Variants in LRMDA observed in about 807,000 individuals in gnomAD.
LRMDA encodes leucine-rich melanocyte differentiation-associated protein.
LRMDA carries 18 observed loss-of-function variants against 29.8 expected under a neutral mutation model. The observed-to-expected ratio is 0.60, with a 90% CI of 0.42 to 0.90. The LOEUF (loss-of-function observed/expected upper bound fraction) is 0.90. LRMDA is among the 40% of genes least tolerant of loss of function. The probability of loss-of-function intolerance (pLI) is 0.00; values close to 1 mark genes in which losing one functional copy is unlikely to be tolerated. For missense variants in LRMDA, 273 were observed against 273.9 expected, an observed-to-expected ratio of 1.00 and a Z score of 0.02; for synonymous variants, 125 against 109.4, an observed-to-expected ratio of 1.14 and a Z score of -0.89.
intron 2 of LRMDA, among the ~76,000 whole-genome samples, chr10:75,607,429 C>G (rs1457115222): frequency 2.0e-5 from 3 of 152,160 alleles, no homozygotes; most frequent in Non-Finnish European, 4.4e-5. Flanking sequence ...AGATGGGAAG[C>G]CATTTCATGT....
intron 2 of LRMDA, among the ~76,000 whole-genome samples, chr10:75,486,218 T>G (rs1159941301): frequency 6.6e-6 from 1 of 152,240 alleles, no homozygotes; most frequent in Non-Finnish European, 1.5e-5. Context: ...TTTCTACTTA[T>G]TGGAATTTAG....
chr10:76,137,987 A>G (rs918414143), intron 5 of LRMDA, among the ~76,000 whole-genome samples: 1 of 152,144 alleles, frequency 6.6e-6, no homozygotes, highest in Non-Finnish European at 1.5e-5. Context: ...TGTTTTAGGA[A>G]GATTATAATT....
chr10:75,891,527 G>C (rs1179840446), intron 2 of LRMDA, among the ~76,000 whole-genome samples: 3 of 152,194 alleles, frequency 2.0e-5, no homozygotes, highest in Non-Finnish European at 4.4e-5. Context: ...GTGGTGAGAT[G>C]GGGAAGCAAG....
chr10:76,078,087 TG>T (rs1848990088), intron 5 of LRMDA, among the ~76,000 whole-genome samples: 1 of 140,420 alleles, frequency 7.1e-6, no homozygotes, highest in Non-Finnish European at 1.5e-5. Context: ...CTCAGCTCAC[TG>T]CAAGTTCTGC....
intron 2 of LRMDA, among the ~76,000 whole-genome samples, chr10:75,447,603 A>G (rs1262991063): frequency 6.6e-6 from 1 of 152,222 alleles, no homozygotes; most frequent in Non-Finnish European, 1.5e-5. Context: ...CCCTGCCTGT[A>G]GAAGTGTCAA....
At chr10:75,655,482 C>T (rs1024686882) in intron 2 of LRMDA, among the ~76,000 whole-genome samples, 3 of 152,232 alleles carry the variant, frequency 2.0e-5, no homozygotes, top group Non-Finnish European at 2.9e-5. Context: ...AGGAGACCAT[C>T]GCATGGTCTA....
chr10:75,624,295 G>T (rs948826472), intron 2 of LRMDA, among the ~76,000 whole-genome samples: 1 of 152,132 alleles, frequency 6.6e-6, no homozygotes, highest in Admixed American at 6.5e-5. Flanking sequence ...TGAGATATAG[G>T]TTTTATGTGG....
At chr10:76,259,305 C>T (rs1415999735) in intron 5 of LRMDA, among the ~76,000 whole-genome samples, 2 of 151,936 alleles carry the variant, frequency 1.3e-5, no homozygotes, top group African/African-American at 4.8e-5. Flanking sequence ...TATTTTCATT[C>T]TTAATTTTTT....
At chr10:75,981,068 TGTTATAA>T (rs1253840398) in intron 2 of LRMDA, among the ~76,000 whole-genome samples, 6 of 152,228 alleles carry the variant, frequency 3.9e-5, no homozygotes, top group African/African-American at 1.4e-4. Flanking sequence ...CAAGTTCCAG[TGTTATAA>T]GTTATACACA....
intron 2 of LRMDA, chr10:75,450,721 G>A (rs1373276236): frequency 6.6e-6 from 1 of 152,190 alleles, no homozygotes; most frequent in African/African-American, 2.4e-5. Context: ...AGTGTGAGGG[G>A]CTGTTATTAA....
At position 75,736,739 on chromosome 10, in the gene LRMDA, A is replaced by G. The variant is rs148118381; in HGVS notation, c.131+298245A>G. Among the ~76,000 whole-genome samples the G allele has an allele frequency of 2.6e-3, 397 of 152,294 alleles. 5 individuals carry two copies. In the South Asian group the frequency reaches 0.033, roughly 13 times the overall value. On this transcript the variant is annotated intron_variant, in intron 2 of 6. Transcript: ENST00000611255. ...TACAGAATTGCCAGCACATCTATCT[A>G]TATATTTTTTTATGGTGTGCATAAT...
At chr10:76,102,304 T>C (rs1245093291) in intron 5 of LRMDA, among the ~76,000 whole-genome samples, 1 of 152,190 alleles carries the variant, frequency 6.6e-6, no homozygotes, top group African/African-American at 2.4e-5. Context: ...TAAACCGCGT[T>C]GTTGTGGGGT....
In LRMDA at chr10:76,557,282, G is replaced by T. The variant is rs767238622; in HGVS notation, c.675G>T (p.Gln225His). The T allele has an allele frequency of 2.5e-6, 4 of 1,612,968 alleles. No homozygotes were observed. The East Asian group carries it at 8.9e-5, about 36-fold the overall frequency. Residue 225 changes from glutamine (Q) to histidine (H), a missense_variant, in exon 7 of 7, where the codon CAG becomes CAT. By Grantham distance (24) the Gln-to-His change is conservative. Transcript: ENST00000611255. ...GCAACAGGTTTATCCGAGATGACCA[G>T]CTCTGAAGCCAACTTCTGTATACCT... The part of the protein sequence containing the change: ...SEGNRFIRDD[Q>H]L
At chr10:75,549,285 A>G (rs925401339) in intron 2 of LRMDA, among the ~76,000 whole-genome samples, 2 of 152,116 alleles carry the variant, frequency 1.3e-5, no homozygotes, top group Admixed American at 1.3e-4. Flanking sequence ...ATTTGCTCAG[A>G]ATATTCAATC....
intron 2 of LRMDA, among the ~76,000 whole-genome samples, chr10:75,924,994 C>T (rs889115527): frequency 1.3e-5 from 2 of 152,170 alleles, no homozygotes; most frequent in African/African-American, 4.8e-5. Context: ...AAGTGCACCT[C>T]GGGTTGCCTT....
intron 2 of LRMDA, among the ~76,000 whole-genome samples, chr10:75,739,043 A>G (rs917816665): frequency 2.0e-5 from 3 of 152,144 alleles, no homozygotes; most frequent in African/African-American, 7.2e-5. Context: ...ATTACCTCCT[A>G]TCAGGCCTGG....
chr10:75,610,225 A>G (rs1841010321), intron 2 of LRMDA, among the ~76,000 whole-genome samples: 1 of 152,166 alleles, frequency 6.6e-6, no homozygotes, highest in Non-Finnish European at 1.5e-5. Flanking sequence ...ATTTAGTTCC[A>G]GCTTTATCAC....
At chr10:75,737,295 A>G (rs12357663) in intron 2 of LRMDA, among the ~76,000 whole-genome samples, 56,130 of 152,158 alleles carry the variant, frequency 0.37, 16,518 homozygotes, top group African/African-American at 0.81. Context: ...AAAGTAAGGA[A>G]TGCGTCAGAT....
At chr10:76,103,657 C>A (rs1849432273) in intron 5 of LRMDA, among the ~76,000 whole-genome samples, 2 of 152,112 alleles carry the variant, frequency 1.3e-5, no homozygotes, top group African/African-American at 2.4e-5. Flanking sequence ...TAGTTTATAT[C>A]TCTCTCATGA....
Sources: allele counts gnomAD v4.1 joint callset (sites outside exome capture counted in the v4.1 genomes callset), GRCh38; gene constraint gnomAD v4.1.1; transcripts MANE v1.5; gene names NCBI Gene and HGNC (gene_info 2026-07-23, HGNC 2026-07-21).